The following GLIS3 variants were observed in gnomAD, a reference collection of about 807,000 sequenced individuals.
The protein encoded by GLIS3 is zinc finger protein GLIS3.
Under a neutral mutation model 78.6 loss-of-function variants are expected in GLIS3, and 53 were observed. The observed-to-expected ratio is 0.67, with a 90% CI of 0.54 to 0.85. GLIS3 has a LOEUF of 0.85. Among genes scored for constraint, GLIS3 ranks in the 40% least tolerant of loss-of-function variants. The probability of loss-of-function intolerance (pLI) is 0.00; values close to 1 mark genes in which losing one functional copy is unlikely to be tolerated. For missense variants in GLIS3, 1,703 were observed against 1,231.1 expected (o/e 1.38, Z -5.74); for synonymous variants, 684 against 509.9 (o/e 1.34, Z -4.60).
At chr9:4,220,511 C>T (rs753418708) in intron 2 of GLIS3, among the ~76,000 whole-genome samples, 9 of 152,164 alleles carry the variant, frequency 5.9e-5, no homozygotes, top group Admixed American at 3.3e-4. Flanking sequence ...TGAGAACATA[C>T]ATCATGTCTG....
chr9:4,080,098 T>A (rs1361340017), intron 4 of GLIS3, among the ~76,000 whole-genome samples: 4 of 152,254 alleles, frequency 2.6e-5, no homozygotes, highest in African/African-American at 4.8e-5. Context: ...ATTCAATGAC[T>A]AACTATATTG....
chr9:4,399,136 T>C, the GLIS3 span, among the ~76,000 whole-genome samples: 1 of 152,210 alleles, frequency 6.6e-6, no homozygotes, highest in Non-Finnish European at 1.5e-5. Flanking sequence ...AATATGTATT[T>C]TCAAATAGCT....
chr9:4,157,252 G>C (rs1309619840), intron 2 of GLIS3, among the ~76,000 whole-genome samples: 1 of 152,142 alleles, frequency 6.6e-6, no homozygotes, highest in Non-Finnish European at 1.5e-5. Context: ...CATTGATAAA[G>C]GTCAACATTA....
chr9:4,041,957 G>GA (rs1824846988), intron 4 of GLIS3, among the ~76,000 whole-genome samples: 1 of 152,158 alleles, frequency 6.6e-6, no homozygotes, highest in African/African-American at 2.4e-5. Context: ...GGACAAGTTT[G>GA]ATGTGATTTT....
intron 8 of GLIS3, among the ~76,000 whole-genome samples, chr9:3,863,884 C>A (rs1444001099): frequency 1.3e-5 from 2 of 151,894 alleles, no homozygotes; most frequent in Non-Finnish European, 2.9e-5. Flanking sequence ...AGTGTTTCTC[C>A]CCTGTGGAAA....
chr9:4,482,447 T>C, the GLIS3 span, among the ~76,000 whole-genome samples: 154 of 152,318 alleles, frequency 1.0e-3, 1 homozygote, highest in African/African-American at 3.5e-3. Flanking sequence ...TTAAAAAGTG[T>C]GTCTAGCTGC....
At chr9:3,895,308 T>C (rs377163868) in intron 7 of GLIS3, among the ~76,000 whole-genome samples, 5 of 152,210 alleles carry the variant, frequency 3.3e-5, no homozygotes, top group South Asian at 4.1e-4. Context: ...GGCATTATTA[T>C]ATGGAACACA....
chr9:4,088,481 T>G (rs566214384), intron 4 of GLIS3, among the ~76,000 whole-genome samples: 48 of 152,256 alleles, frequency 3.2e-4, no homozygotes, highest in Non-Finnish European at 5.1e-4. Flanking sequence ...TTCCTTATCT[T>G]AAATTGGTCC....
At chr9:4,334,482 A>G (rs1817725739) in intron 2 of GLIS3, among the ~76,000 whole-genome samples, 1 of 152,210 alleles carries the variant, frequency 6.6e-6, no homozygotes, top group African/African-American at 2.4e-5. Flanking sequence ...ATGCATGTTC[A>G]TTAATCAGCA....
At position 3,991,683 on chromosome 9, in the gene GLIS3, A is replaced by AATTTTTTTTTTTTTTTTTTTTTTTTTT. The variant is rs1265317427; in HGVS notation, c.1711-54495_1711-54494insAAAAAAAAAAAAAAAAAAAAAAAAAAT. Among the ~76,000 whole-genome samples, 26 of 87,898 alleles carry AATTTTTTTTTTTTTTTTTTTTTTTTTT rather than the reference A, an allele frequency of 3.0e-4. 1 individual carries two copies. The highest frequency in any genetic ancestry group is 9.4e-4 in the South Asian group (2 of 2,118). The allele number at this position is 87,898 out of a possible 152,430, so 57.7% of individuals were successfully genotyped here. On this transcript the variant is annotated intron_variant, in intron 4 of 10. Transcript: ENST00000381971. ...GTTCAGAATTTCATTAAGTAGGCTGATTTTTTTTTTTTTTTTTTTTTTTTT... is the reference window on the plus strand; with the variant it reads ...GTTCAGAATTTCATTAAGTAGGCTGAATTTTTTTTTTTTTTTTTTTTTTTTTTTTTTTTTTTTTTTTTTTTTTTTTTT...
intron 4 of GLIS3, among the ~76,000 whole-genome samples, chr9:4,103,837 G>A (rs188847845): frequency 5.6e-4 from 86 of 152,246 alleles, no homozygotes; most frequent in African/African-American, 1.9e-3. Context: ...ATTGATGGCA[G>A]GCTAACTTGG....
At chr9:4,443,252 C>G in the GLIS3 span, among the ~76,000 whole-genome samples, 2 of 152,140 alleles carry the variant, frequency 1.3e-5, no homozygotes, top group Non-Finnish European at 2.9e-5. Flanking sequence ...AATTCCAGCC[C>G]CACTCACGGC....
intron 2 of GLIS3, among the ~76,000 whole-genome samples, chr9:4,273,232 T>C (rs115026542): frequency 0.018 from 2,721 of 152,198 alleles, 86 homozygotes; most frequent in African/African-American, 0.062. Context: ...TAGAGATCTA[T>C]ACTACCTCAC....
At chr9:4,193,917 CAT>C (rs1190001398) in intron 2 of GLIS3, among the ~76,000 whole-genome samples, 1 of 152,244 alleles carries the variant, frequency 6.6e-6, no homozygotes, top group Admixed American at 6.5e-5. Context: ...TTTGACCAAT[CAT>C]GTGGTAAGCG....
At chr9:3,849,066 C>T (rs1410331021) in intron 9 of GLIS3, among the ~76,000 whole-genome samples, 1 of 152,152 alleles carries the variant, frequency 6.6e-6, no homozygotes, top group Non-Finnish European at 1.5e-5. Context: ...TGGTGTTTTC[C>T]TAACGAAATC....
At chr9:4,084,756 A>G (rs1007951698) in intron 4 of GLIS3, among the ~76,000 whole-genome samples, 1 of 151,704 alleles carries the variant, frequency 6.6e-6, no homozygotes, top group Non-Finnish European at 1.5e-5. Context: ...GACCTAACAA[A>G]CTCCTTGGCT....
the GLIS3 span, among the ~76,000 whole-genome samples, chr9:4,383,563 A>G: frequency 6.6e-6 from 1 of 152,208 alleles, no homozygotes; most frequent in Non-Finnish European, 1.5e-5. Context: ...TTTCTATACA[A>G]GCTCAAACCT....
At chr9:3,837,466 C>G (rs1490839531) in intron 9 of GLIS3, among the ~76,000 whole-genome samples, 2 of 152,208 alleles carry the variant, frequency 1.3e-5, no homozygotes, top group Non-Finnish European at 2.9e-5. Context: ...AATCCCTGTA[C>G]ATGTATGTTT....
At chr9:4,263,406 G>C (rs982315134) in intron 2 of GLIS3, among the ~76,000 whole-genome samples, 18 of 152,100 alleles carry the variant, frequency 1.2e-4, no homozygotes, top group Non-Finnish European at 2.4e-4. Flanking sequence ...CAGACTAACA[G>C]AGAAAGAAGA....
Sources: allele counts gnomAD v4.1 joint callset (sites outside exome capture counted in the v4.1 genomes callset), GRCh38; gene constraint gnomAD v4.1.1; transcripts MANE v1.5; gene names NCBI Gene and HGNC (gene_info 2026-07-23, HGNC 2026-07-21).